ABCC4: variants seen among roughly 807,000 people sequenced by gnomAD.
ABCC4 encodes the protein ATP-binding cassette sub-family C member 4.
In ABCC4, 102 loss-of-function variants were observed where a neutral mutation model predicts 168.5. The ratio of observed to expected loss-of-function variants is 0.61; its 90% CI spans 0.52 to 0.71. The LOEUF (loss-of-function observed/expected upper bound fraction) is 0.71, where lower values mean the gene tolerates loss of function less well. ABCC4 is among the 30% of genes least tolerant of loss of function. The pLI is 0.00. For missense variants in ABCC4, 1,402 were observed against 1,605.8 expected (o/e 0.87, Z 2.17); for synonymous variants, 617 against 590.7 (o/e 1.04, Z -0.65).
In ABCC4 at chr13:95,074,310, A is replaced by T. The variant is rs764516270; in HGVS notation, c.2821T>A (p.Phe941Ile). ...GCAAACCAGCGGGACGTTGTCAAAA[A>T]CAAGAACCAAGCCTCTGAATTTGAG... ...QDLHSEAWFL[F>I]LTTSRWFAVR... The change falls in exon 23 of 31, where the codon TTT (phenylalanine) becomes ATT (isoleucine). Residue 941 changes from phenylalanine to isoleucine, a missense_variant. Around this residue, in one of 3 missense-constraint regions of ABCC4, gnomAD observed 1,007 missense variants for 1,127.3 expected, o/e 0.89. Transcript: ENST00000645237. 2.5e-6 allele frequency: 4 copies of T among 1,612,756 alleles called. No homozygotes were observed. The highest frequency in any genetic ancestry group is 1.7e-5 in the Admixed American group (1 of 59,822).
chr13:95,130,227 A>G (rs2035914958), intron 19 of ABCC4, among the ~76,000 whole-genome samples: 2 of 152,228 alleles, frequency 1.3e-5, no homozygotes, highest in African/African-American at 4.8e-5. Context: ...TCACATGCAG[A>G]CAATATCAGT....
At chr13:95,175,603 C>A (rs954111899) in intron 13 of ABCC4, among the ~76,000 whole-genome samples, 2 of 152,204 alleles carry the variant, frequency 1.3e-5, no homozygotes, top group Non-Finnish European at 2.9e-5. Context: ...CCACAGTGCC[C>A]GGCCAACACA....
chr13:95,164,518 T>C lies in ABCC4; in HGVS notation c.2035A>G (p.Thr679Ala). 1 of 1,613,940 alleles carries C rather than the reference T, an allele frequency of 6.2e-7. No homozygotes were observed. The highest frequency in any genetic ancestry group is 8.5e-7 in the Non-Finnish European group (1 of 1,179,972). Residue 679 changes from threonine to alanine, a missense_variant and splice_region_variant, in exon 16 of 31, where the codon ACA becomes GCA. Physicochemically the swap from Thr to Ala is moderately conservative, Grantham distance 58. Coordinates refer to ENST00000645237, the MANE Select transcript of ABCC4 (RefSeq NM_005845.5). ...LKDGALESQD[T>A]ENVPVTLSEE... ...GATAGTGTAACTGGGACATTCTCTG[T>C]CTGCAGAGGAAAAAAGGTGGTAAGA...
At chr13:95,282,190 T>G (rs1172154008) in intron 1 of ABCC4, among the ~76,000 whole-genome samples, 2 of 151,302 alleles carry the variant, frequency 1.3e-5, no homozygotes, top group Non-Finnish European at 2.9e-5. Context: ...TCTGAAGTAC[T>G]AGAGATCAGG....
intron 30 of ABCC4, among the ~76,000 whole-genome samples, chr13:95,029,492 T>A (rs2031765598): frequency 6.6e-6 from 1 of 152,004 alleles, no homozygotes. Flanking sequence ...GCAGAGGAAC[T>A]GCGTGATGAA....
intron 22 of ABCC4, 70 bp downstream of exon 22, chr13:95,075,362 G>T: frequency 6.2e-7 from 1 of 1,602,954 alleles, no homozygotes; most frequent in South Asian, 1.1e-5. Flanking sequence ...AAGCTCATCT[G>T]ACCAGGGAGG....
chr13:95,229,075 T>C (rs1051482946), intron 4 of ABCC4, among the ~76,000 whole-genome samples: 2 of 152,096 alleles, frequency 1.3e-5, no homozygotes, highest in Non-Finnish European at 2.9e-5. Context: ...ATACAGGGAA[T>C]ATGCATTTCC....
chr13:95,073,170 T>C lies in ABCC4; in HGVS notation c.3018+34A>G, dbSNP rs192079317. The C allele has an allele frequency of 5.9e-4, 906 of 1,548,214 alleles. 7 individuals are homozygous for C. The African/African-American group carries it at 0.011, about 18-fold the overall frequency. On this transcript the variant is annotated intron_variant, in intron 24 of 30. Coordinates refer to ENST00000645237, the MANE Select transcript of ABCC4 (RefSeq NM_005845.5). The stretch of plus-strand genomic sequence containing the variant: ...TTTATACCATTTAATGGCAAGGAGA[T>C]TGAAAAGGCAAAGAACGTGAAGGTA...
intron 11 of ABCC4, among the ~76,000 whole-genome samples, chr13:95,183,526 A>G (rs561365441): frequency 6.6e-6 from 1 of 152,324 alleles, no homozygotes; most frequent in African/African-American, 2.4e-5. Context: ...TGAGAATGGT[A>G]GCAAAATTTC....
intron 1 of ABCC4, among the ~76,000 whole-genome samples, chr13:95,271,268 C>T (rs1296963384): frequency 6.6e-6 from 1 of 152,122 alleles, no homozygotes; most frequent in Non-Finnish European, 1.5e-5. Flanking sequence ...CGACGGATTA[C>T]ATTAGTGTGC....
chr13:95,132,028 T>C (rs142956252), intron 19 of ABCC4, among the ~76,000 whole-genome samples: 2,208 of 152,132 alleles, frequency 0.015, 18 homozygotes, highest in Middle Eastern at 0.027. Flanking sequence ...CTATGCACAA[T>C]AGTCAAAGGG....
chr13:95,290,259 G>T (rs1004513619), intron 1 of ABCC4, among the ~76,000 whole-genome samples: 1 of 152,120 alleles, frequency 6.6e-6, no homozygotes, highest in Non-Finnish European at 1.5e-5. Flanking sequence ...TCCAATCATG[G>T]TGAGGGCTAA....
At chr13:95,197,964 A>G (rs986254508) in intron 8 of ABCC4, among the ~76,000 whole-genome samples, 1 of 152,154 alleles carries the variant, frequency 6.6e-6, no homozygotes, top group African/African-American at 2.4e-5. Context: ...TAAGAAAGAC[A>G]ATAGATTAAA....
At chr13:95,246,390 C>T (rs1286850933) in intron 3 of ABCC4, among the ~76,000 whole-genome samples, 2 of 152,214 alleles carry the variant, frequency 1.3e-5, no homozygotes, top group Non-Finnish European at 2.9e-5. Context: ...TTGGGTGCTT[C>T]AGCCAGCTCC....
intron 11 of ABCC4, among the ~76,000 whole-genome samples, chr13:95,179,220 A>G (rs2037810255): frequency 6.6e-6 from 1 of 152,184 alleles, no homozygotes; most frequent in Admixed American, 6.5e-5. Context: ...TCAGCTTTCC[A>G]TTCTCAGAGA....
intron 1 of ABCC4, among the ~76,000 whole-genome samples, chr13:95,270,355 A>G (rs2040816630): frequency 8.6e-6 from 1 of 116,104 alleles, no homozygotes; most frequent in African/African-American, 4.4e-5. Context: ...AAAAAAAAAA[A>G]AAGAAAGAAA....
intron 20 of ABCC4, among the ~76,000 whole-genome samples, chr13:95,100,892 T>C (rs1028262868): frequency 2.0e-5 from 3 of 152,106 alleles, no homozygotes; most frequent in African/African-American, 4.8e-5. Context: ...ACCTCAGAAA[T>C]CTCAAAATGA....
chr13:95,049,442 C>A (rs910676191), intron 27 of ABCC4, among the ~76,000 whole-genome samples: 6 of 152,066 alleles, frequency 3.9e-5, no homozygotes, highest in Non-Finnish European at 7.4e-5. Flanking sequence ...GGGTTTGAGA[C>A]CAGCCTGGCC....
In ABCC4 at chr13:95,140,390, T is replaced by C. The variant is rs962054170; in HGVS notation, c.2455+20799A>G. On this transcript the variant is annotated intron_variant, in intron 19 of 30. Coordinates refer to ENST00000645237, the MANE Select transcript of ABCC4 (RefSeq NM_005845.5). Reference sequence around the variant, plus strand: ...AAGTTTTCTCCAGACACAAATAAAATGGACAGCAAACCATCCTATTAATTC... The same window carrying C: ...AAGTTTTCTCCAGACACAAATAAAACGGACAGCAAACCATCCTATTAATTC... Among the ~76,000 whole-genome samples, 4 of 152,200 alleles carry C rather than the reference T, an allele frequency of 2.6e-5. No homozygotes were observed. In the East Asian group the frequency reaches 7.7e-4, roughly 29 times the overall value.
Sources: allele counts gnomAD v4.1 joint callset (sites outside exome capture counted in the v4.1 genomes callset), GRCh38; gene constraint gnomAD v4.1.1; regional missense constraint gnomAD v4.1.1; transcripts MANE v1.5; gene names NCBI Gene and HGNC (gene_info 2026-07-23, HGNC 2026-07-21).